Variants in PLD5 observed in about 807,000 individuals in gnomAD.
PLD5 encodes the protein inactive phospholipase D5.
A neutral mutation model predicts 61.1 loss-of-function variants in PLD5; 36 were observed. That is an observed-to-expected ratio of 0.59 (90% CI 0.45 to 0.78). The LOEUF (loss-of-function observed/expected upper bound fraction) is 0.78, where lower values mean the gene tolerates loss of function less well. Ranked by LOEUF, PLD5 falls within the 30% of genes least tolerant of loss-of-function variation. The probability of loss-of-function intolerance (pLI) is 0.00; values close to 1 mark genes in which losing one functional copy is unlikely to be tolerated. For missense variants in PLD5, 515 were observed against 644.4 expected (o/e 0.80, Z 2.17); for synonymous variants, 243 against 242.8 (o/e 1.00, Z -0.01).
At chr1:242,140,824 A>C (rs912088693) in intron 5 of PLD5, among the ~76,000 whole-genome samples, 2 of 151,962 alleles carry the variant, frequency 1.3e-5, no homozygotes, top group Non-Finnish European at 2.9e-5. Context: ...GATGGGCTGC[A>C]TAGACCTGAT....
At chr1:242,194,587 T>TATCTATCTATCTATCTATCTA (rs1668489997) in intron 5 of PLD5, among the ~76,000 whole-genome samples, 1 of 72,724 alleles carries the variant, frequency 1.4e-5, no homozygotes, top group Non-Finnish European at 2.4e-5. Flanking sequence ...TCTATCTATC[T>TATCTATCTATCTATCTATCTA]ATCTATCTAT....
intron 1 of PLD5, among the ~76,000 whole-genome samples, chr1:242,436,713 C>T (rs1439724436): frequency 1.3e-5 from 2 of 152,172 alleles, no homozygotes; most frequent in Non-Finnish European, 2.9e-5. Flanking sequence ...GCTCATGTGC[C>T]ATTTGCTTTA....
intron 1 of PLD5, among the ~76,000 whole-genome samples, chr1:242,516,105 T>C (rs1669092775): frequency 6.6e-6 from 1 of 152,068 alleles, no homozygotes; most frequent in Non-Finnish European, 1.5e-5. Flanking sequence ...TATCCTCTTT[T>C]GTGAAGTTCC....
At chr1:242,150,520 A>G (rs1409389654) in intron 5 of PLD5, among the ~76,000 whole-genome samples, 2 of 151,760 alleles carry the variant, frequency 1.3e-5, no homozygotes, top group Non-Finnish European at 3.0e-5. Flanking sequence ...ATTATTATGG[A>G]TTCTTGGAGA....
chr1:242,421,782 T>C (rs1665159716), intron 1 of PLD5, among the ~76,000 whole-genome samples: 1 of 152,202 alleles, frequency 6.6e-6, no homozygotes, highest in African/African-American at 2.4e-5. Flanking sequence ...TTGTGGATGA[T>C]GTTGTTTTCA....
chr1:242,163,160 AGAC>A (rs1276480422), intron 5 of PLD5, among the ~76,000 whole-genome samples: 1 of 76,460 alleles, frequency 1.3e-5, no homozygotes, highest in East Asian at 4.2e-4. Flanking sequence ...TCTTTTCTTG[AGAC>A]GACGGAGTCT....
chr1:242,204,391 C>T (rs938555908), intron 5 of PLD5, among the ~76,000 whole-genome samples: 4 of 152,188 alleles, frequency 2.6e-5, no homozygotes, highest in Non-Finnish European at 5.9e-5. Flanking sequence ...CAAGACCTTC[C>T]TTCAAGGGAT....
intron 2 of PLD5, among the ~76,000 whole-genome samples, chr1:242,304,973 G>A (rs901604026): frequency 3.9e-5 from 6 of 152,118 alleles, no homozygotes; most frequent in South Asian, 4.1e-4. Context: ...GGGCATGGTG[G>A]AGCATACCTG....
At chr1:242,421,315 G>C (rs1343993942) in intron 1 of PLD5, among the ~76,000 whole-genome samples, 2 of 151,364 alleles carry the variant, frequency 1.3e-5, no homozygotes, top group African/African-American at 4.9e-5. Flanking sequence ...ATAAATCATT[G>C]ACATTCCAGG....
At chr1:242,200,321 G>A (rs552057364) in intron 5 of PLD5, among the ~76,000 whole-genome samples, 4 of 152,176 alleles carry the variant, frequency 2.6e-5, no homozygotes, top group East Asian at 3.9e-4. Context: ...TTTTCTCTCT[G>A]ACTTGTGACT....
chr1:242,207,878 TTATATATTTATA>T (rs1669491409), intron 5 of PLD5, among the ~76,000 whole-genome samples: 1 of 17,166 alleles, frequency 5.8e-5, no homozygotes, highest in African/African-American at 4.3e-4. Flanking sequence ...TTATATATAT[TTATATATTTATA>T]TATATTTATA....
chr1:242,455,282 T>G (rs1272379711), intron 1 of PLD5, among the ~76,000 whole-genome samples: 1 of 152,240 alleles, frequency 6.6e-6, no homozygotes, highest in Non-Finnish European at 1.5e-5. Flanking sequence ...TTAAGATACT[T>G]GATTTTTTAA....
At chr1:242,350,054 G>GAA (rs199888310) in intron 1 of PLD5, among the ~76,000 whole-genome samples, 2 of 149,354 alleles carry the variant, frequency 1.3e-5, no homozygotes, top group South Asian at 4.3e-4. Context: ...GTCTCTAAAA[G>GAA]AAAAAAAAAG....
chr1:242,452,089 A>G (rs917739791), intron 1 of PLD5, among the ~76,000 whole-genome samples: 1 of 152,176 alleles, frequency 6.6e-6, no homozygotes, highest in African/African-American at 2.4e-5. Context: ...GGCTAGAAGT[A>G]CATTAATCAC....
chr1:242,405,231 T>C (rs182029193), intron 1 of PLD5, among the ~76,000 whole-genome samples: 233 of 152,268 alleles, frequency 1.5e-3, no homozygotes, highest in African/African-American at 5.4e-3. Context: ...CTCCATGCTT[T>C]CCCGTGGTTT....
At chr1:242,512,234 A>G (rs548471745) in intron 1 of PLD5, among the ~76,000 whole-genome samples, 17 of 150,394 alleles carry the variant, frequency 1.1e-4, no homozygotes, top group African/African-American at 3.2e-4. Flanking sequence ...ACACGGTGAA[A>G]CCTCGTCTCT....
intron 5 of PLD5, among the ~76,000 whole-genome samples, chr1:242,193,281 A>T (rs1356759585): frequency 3.3e-5 from 5 of 152,052 alleles, no homozygotes; most frequent in Admixed American, 2.6e-4. Flanking sequence ...AGAGAAAAGT[A>T]AAAATTTTTC....
At chr1:242,292,644 T>A (rs1359576344) in intron 2 of PLD5, among the ~76,000 whole-genome samples, 1 of 152,194 alleles carries the variant, frequency 6.6e-6, no homozygotes, top group African/African-American at 2.4e-5. Flanking sequence ...AGTCACTAAC[T>A]AAAATGTAAA....
intron 1 of PLD5, among the ~76,000 whole-genome samples, chr1:242,502,918 T>A (rs1311700397): frequency 2.0e-5 from 3 of 151,834 alleles, no homozygotes; most frequent in African/African-American, 7.3e-5. Flanking sequence ...AAAATTAGCC[T>A]GGCGTGGTGG....
Sources: allele counts gnomAD v4.1 joint callset (sites outside exome capture counted in the v4.1 genomes callset), GRCh38; gene constraint gnomAD v4.1.1; transcripts MANE v1.5; gene names NCBI Gene and HGNC (gene_info 2026-07-23, HGNC 2026-07-21).